FCHO2: variants seen among roughly 807,000 people sequenced by gnomAD.
FCHO2 encodes the protein FCH and mu domain containing endocytic adaptor 2.
In FCHO2, 43 loss-of-function variants were observed where a neutral mutation model predicts 114.1. The observed-to-expected ratio is 0.38, with a 90% CI of 0.30 to 0.49. FCHO2 has a LOEUF of 0.49. Ranked by LOEUF, FCHO2 falls within the 20% of genes least tolerant of loss-of-function variation. The pLI is 0.97. For missense variants in FCHO2, 807 were observed against 950.4 expected, an observed-to-expected ratio of 0.85 and a Z score of 1.98; for synonymous variants, 293 against 315.2, an observed-to-expected ratio of 0.93 and a Z score of 0.75.
At chr5:73,045,111 C>G (rs150233419) in intron 11 of FCHO2, among the ~76,000 whole-genome samples, 1 of 152,248 alleles carries the variant, frequency 6.6e-6, no homozygotes, top group Non-Finnish European at 1.5e-5. Context: ...GTACTGTGTA[C>G]TTGTTACCCC....
chr5:73,005,966 G>A (rs967090141), intron 5 of FCHO2, among the ~76,000 whole-genome samples: 32 of 152,074 alleles, frequency 2.1e-4, no homozygotes, highest in African/African-American at 6.0e-4. Context: ...TTCGAGATAG[G>A]TTTATAGTTT....
chr5:73,025,538 C>T (rs550155020), intron 8 of FCHO2, among the ~76,000 whole-genome samples: 26 of 152,218 alleles, frequency 1.7e-4, no homozygotes, highest in African/African-American at 6.3e-4. Context: ...ACCACCCTGC[C>T]TGGCTAATTT....
intron 18 of FCHO2, among the ~76,000 whole-genome samples, chr5:73,067,868 G>A (rs1265775865): frequency 2.6e-5 from 4 of 151,794 alleles, no homozygotes; most frequent in Non-Finnish European, 5.9e-5. Flanking sequence ...TTAGGAATTT[G>A]GAAGGAAAAG....
intron 6 of FCHO2, among the ~76,000 whole-genome samples, chr5:73,007,974 C>T (rs1580091355): frequency 6.6e-6 from 1 of 152,016 alleles, no homozygotes; most frequent in South Asian, 2.1e-4. Flanking sequence ...CTTTGGGGAT[C>T]ATGAGTATGA....
chr5:73,061,902 G>A (rs1045492220), intron 17 of FCHO2, among the ~76,000 whole-genome samples: 1 of 152,088 alleles, frequency 6.6e-6, no homozygotes, highest in African/African-American at 2.4e-5. Context: ...GCAGCTAACA[G>A]TGCTGCTGCT....
intron 20 of FCHO2, among the ~76,000 whole-genome samples, chr5:73,075,162 A>G (rs987398676): frequency 6.6e-6 from 1 of 152,204 alleles, no homozygotes; most frequent in African/African-American, 2.4e-5. Flanking sequence ...ACTAAATATC[A>G]AAGAAACAGC....
At chr5:72,980,752 A>G (rs1205517539) in intron 2 of FCHO2, among the ~76,000 whole-genome samples, 1 of 152,088 alleles carries the variant, frequency 6.6e-6, no homozygotes, top group African/African-American at 2.4e-5. Context: ...TTTATCGAAG[A>G]CTAGGATTGC....
chr5:72,960,147 T>G (rs1751776111), intron 1 of FCHO2, among the ~76,000 whole-genome samples: 1 of 152,228 alleles, frequency 6.6e-6, no homozygotes, highest in Admixed American at 6.5e-5. Context: ...AAGACAAACC[T>G]TTTTTGTTGT....
intron 23 of FCHO2, among the ~76,000 whole-genome samples, chr5:73,082,197 C>T (rs1180867676): frequency 1.3e-5 from 2 of 151,668 alleles, no homozygotes; most frequent in Non-Finnish European, 2.9e-5. Context: ...TAAGTACCAC[C>T]CAGACTTCAA....
chr5:72,983,146 T>G (rs946616034), intron 2 of FCHO2, among the ~76,000 whole-genome samples: 2 of 152,156 alleles, frequency 1.3e-5, no homozygotes, highest in Non-Finnish European at 2.9e-5. Flanking sequence ...TCTCTTGACC[T>G]CAGGTGATCG....
intron 6 of FCHO2, among the ~76,000 whole-genome samples, chr5:73,009,636 T>G (rs1754895006): frequency 6.6e-6 from 1 of 152,170 alleles, no homozygotes; most frequent in Non-Finnish European, 1.5e-5. Flanking sequence ...CCTCCCAGGC[T>G]AGTGACCTTC....
intron 17 of FCHO2, among the ~76,000 whole-genome samples, chr5:73,061,765 A>G (rs1446987435): frequency 6.6e-6 from 1 of 152,118 alleles, no homozygotes; most frequent in African/African-American, 2.4e-5. Flanking sequence ...CAGAGATTGC[A>G]TTGTAAAGCT....
At chr5:73,006,694 G>A in intron 6 of FCHO2, 145 bp downstream of exon 6, 1 of 569,796 alleles carries the variant, frequency 1.8e-6, no homozygotes, top group Non-Finnish European at 2.9e-6. Flanking sequence ...AAAAATACAT[G>A]TCGCGTTTTG....
chr5:73,073,708 A>G (rs950242939), intron 19 of FCHO2, among the ~76,000 whole-genome samples: 1 of 152,116 alleles, frequency 6.6e-6, no homozygotes, highest in Non-Finnish European at 1.5e-5. Flanking sequence ...ATCAGAATTA[A>G]TATTTACGGT....
chr5:73,052,010 T>A (rs1757361416), intron 12 of FCHO2, among the ~76,000 whole-genome samples: 1 of 152,134 alleles, frequency 6.6e-6, no homozygotes, highest in African/African-American at 2.4e-5. Flanking sequence ...TGCAGCCTCC[T>A]ACTCCTGGGT....
At position 73,089,650 on chromosome 5, in the gene FCHO2, T is replaced by C. The variant is rs543758520; in HGVS notation, c.*1560T>C. On this transcript the variant is annotated 3_prime_UTR_variant, in exon 26 of 26. Transcript: ENST00000430046. ...TAAATATGAGTGTCCTTTATTTGCCTAGTAGAAGTGATAAATTGTGTTATA... is the reference window on the plus strand; with the variant it reads ...TAAATATGAGTGTCCTTTATTTGCCCAGTAGAAGTGATAAATTGTGTTATA... 2 of 152,646 alleles carry C rather than the reference T, an allele frequency of 1.3e-5. No homozygotes were observed. The highest frequency in any genetic ancestry group is 4.8e-5 in the African/African-American group (2 of 41,568). 9.5% of individuals were successfully genotyped at this position (152,646 alleles called of 1,614,324 possible).
At chr5:72,994,151 G>A (rs543209719) in intron 5 of FCHO2, among the ~76,000 whole-genome samples, 3 of 152,180 alleles carry the variant, frequency 2.0e-5, no homozygotes, top group Non-Finnish European at 2.9e-5. Context: ...CTAATTAAAC[G>A]TAATGGTTTC....
At chr5:72,994,559 G>A (rs13354597) in intron 5 of FCHO2, among the ~76,000 whole-genome samples, 7,517 of 152,246 alleles carry the variant, frequency 0.049, 253 homozygotes, top group South Asian at 0.14. Context: ...AGCCATTGTG[G>A]AAAGCAGTGT....
intron 23 of FCHO2, among the ~76,000 whole-genome samples, chr5:73,082,271 T>TC (rs1743121401): frequency 6.6e-6 from 1 of 151,626 alleles, no homozygotes; most frequent in Non-Finnish European, 1.5e-5. Flanking sequence ...TTTTTTTTTT[T>TC]TTTTCATTTA....
Sources: allele counts gnomAD v4.1 joint callset (sites outside exome capture counted in the v4.1 genomes callset), GRCh38; gene constraint gnomAD v4.1.1; transcripts MANE v1.5; gene names NCBI Gene and HGNC (gene_info 2026-07-23, HGNC 2026-07-21).